ATP2B2: variants seen among roughly 807,000 people sequenced by gnomAD.
The protein encoded by ATP2B2 is plasma membrane calcium-transporting ATPase 2.
In ATP2B2, 15 loss-of-function variants were observed where a neutral mutation model predicts 120.0. The observed-to-expected ratio is 0.12, with a 90% CI of 0.08 to 0.19. The LOEUF is 0.19. ATP2B2 is among the 10% of genes least tolerant of loss of function. The pLI is 1.00. For synonymous variants in ATP2B2, 694 were observed against 700.3 expected (o/e 0.99, Z 0.14); for missense variants, 1,045 against 1,719.8 (o/e 0.61, Z 6.94).
chr3:10,553,354 C>A (rs35280072), intron 2 of ATP2B2, among the ~76,000 whole-genome samples: 4 of 151,962 alleles, frequency 2.6e-5, no homozygotes, highest in Non-Finnish European at 5.9e-5. Context: ...CAGAGAGGGA[C>A]CTTGAAAAAG....
intron 2 of ATP2B2, among the ~76,000 whole-genome samples, chr3:10,449,085 AAC>A (rs746439278): frequency 2.6e-5 from 4 of 152,146 alleles, no homozygotes; most frequent in Non-Finnish European, 4.4e-5. Flanking sequence ...TTGTCTCCAG[AAC>A]ACAGTCTTGA....
At chr3:10,379,787 C>CGAG (rs2061481775) in intron 8 of ATP2B2, among the ~76,000 whole-genome samples, 1 of 151,606 alleles carries the variant, frequency 6.6e-6, no homozygotes, top group African/African-American at 2.4e-5. Flanking sequence ...GAAAGAGAGA[C>CGAG]AGAGAGAGAG....
intron 2 of ATP2B2, among the ~76,000 whole-genome samples, chr3:10,550,281 T>C (rs1313500415): frequency 2.6e-5 from 4 of 152,176 alleles, no homozygotes; most frequent in African/African-American, 4.8e-5. Flanking sequence ...ATAGCAATAA[T>C]GCAACAGAAC....
intron 1 of ATP2B2, among the ~76,000 whole-genome samples, chr3:10,495,102 C>T (rs2066090853): frequency 6.6e-6 from 1 of 152,204 alleles, no homozygotes; most frequent in Admixed American, 6.5e-5. Flanking sequence ...TGGTCAATTC[C>T]TGGGGGCCAG....
chr3:10,625,735 C>G (rs779201979), intron 1 of ATP2B2, among the ~76,000 whole-genome samples: 1 of 152,068 alleles, frequency 6.6e-6, no homozygotes, highest in African/African-American at 2.4e-5. Flanking sequence ...CAGCAGGGAC[C>G]CCCTCCCATT....
intron 1 of ATP2B2, among the ~76,000 whole-genome samples, chr3:10,706,598 G>A (rs976320331): frequency 6.6e-6 from 1 of 152,164 alleles, no homozygotes; most frequent in Non-Finnish European, 1.5e-5. Flanking sequence ...GAAGGCCACG[G>A]GAATGATTAA....
intron 2 of ATP2B2, among the ~76,000 whole-genome samples, chr3:10,586,496 G>A (rs1039511961): frequency 1.3e-5 from 2 of 152,196 alleles, no homozygotes; most frequent in Non-Finnish European, 2.9e-5. Flanking sequence ...GAGACAGAAA[G>A]AAGGCCAGTA....
intron 5 of ATP2B2, among the ~76,000 whole-genome samples, chr3:10,398,523 C>G (rs2062116844): frequency 6.6e-6 from 1 of 152,220 alleles, no homozygotes; most frequent in African/African-American, 2.4e-5. Flanking sequence ...ACCCCAGCAG[C>G]CCAGGCTTCA....
At chr3:10,662,575 T>TAAA (rs1454105570) in intron 1 of ATP2B2, among the ~76,000 whole-genome samples, 9 of 149,606 alleles carry the variant, frequency 6.0e-5, no homozygotes, top group Admixed American at 6.0e-4. Flanking sequence ...TGGAAATCAT[T>TAAA]AAAAAGTCAG....
chr3:10,498,751 CA>C (rs1199903083), intron 1 of ATP2B2, among the ~76,000 whole-genome samples: 2 of 152,210 alleles, frequency 1.3e-5, no homozygotes, highest in Admixed American at 6.5e-5. Context: ...GCTTGGACCC[CA>C]AACGGTGTCA....
chr3:10,478,080 G>A (rs2065270906), intron 1 of ATP2B2, among the ~76,000 whole-genome samples: 1 of 152,114 alleles, frequency 6.6e-6, no homozygotes, highest in South Asian at 2.1e-4. Context: ...CATCCTAATT[G>A]GTGTGAACTG....
chr3:10,365,508 C>T (rs940682006), intron 12 of ATP2B2, among the ~76,000 whole-genome samples: 16 of 152,090 alleles, frequency 1.1e-4, no homozygotes, highest in Admixed American at 2.0e-4. Context: ...GTGTCCGGGA[C>T]GACAGAAGCC....
At chr3:10,390,164 C>T (rs1316403834) in intron 5 of ATP2B2, among the ~76,000 whole-genome samples, 2 of 152,302 alleles carry the variant, frequency 1.3e-5, no homozygotes, top group East Asian at 1.9e-4. Context: ...TCCGACATGC[C>T]ATGCCTTGCT....
rs2059868805 is a variant in ATP2B2 at position 10,326,962 on chromosome 3, G to A, written c.*1852C>T. ...GTGAGGAGGGTCAGCATGAGGAATG[G>A]ATTTTGCAAGAGAGGCGGAAAGTGT... On this transcript the variant is annotated 3_prime_UTR_variant, in exon 23 of 23. Coordinates refer to ENST00000360273, the MANE Select transcript of ATP2B2 (RefSeq NM_001001331.4). 1 of 398,354 alleles carries A rather than the reference G, an allele frequency of 2.5e-6. No homozygotes were observed. Among genetic ancestry groups the A allele is most frequent in the Admixed American group, 4.4e-5 (1 of 22,718 alleles). 24.7% of individuals were successfully genotyped at this position (398,354 alleles called of 1,614,324 possible).
chr3:10,666,890 C>G (rs1019293140), intron 1 of ATP2B2, among the ~76,000 whole-genome samples: 6 of 152,224 alleles, frequency 3.9e-5, no homozygotes, highest in African/African-American at 1.2e-4. Context: ...GTTCTGCCCC[C>G]ACGACTCTCT....
intron 1 of ATP2B2, among the ~76,000 whole-genome samples, chr3:10,485,895 T>C (rs953774875): frequency 1.3e-5 from 2 of 151,990 alleles, no homozygotes; most frequent in East Asian, 1.9e-4. Context: ...CCCTGTGAGA[T>C]CCATGCTCTG....
intron 2 of ATP2B2, among the ~76,000 whole-genome samples, chr3:10,577,051 CAAAA>C (rs71055823): frequency 0.52 from 56,761 of 108,718 alleles, 12,528 homozygotes; most frequent in East Asian, 0.81. Flanking sequence ...GACTCTGTGT[CAAAA>C]AAAAAAAAAA....
At chr3:10,468,969 A>G (rs2064870125) in intron 1 of ATP2B2, among the ~76,000 whole-genome samples, 1 of 152,272 alleles carries the variant, frequency 6.6e-6, no homozygotes, top group Non-Finnish European at 1.5e-5. Flanking sequence ...ACCTGGAGCT[A>G]TAAAAGGTGT....
In ATP2B2 at chr3:10,371,722, T is replaced by C; in HGVS notation, c.1659+87A>G. ...AATATATTAGCAGGATTTGAGACTATGAATCACATTGCTCAACCTGCCCAG... is the reference window on the plus strand; with the variant it reads ...AATATATTAGCAGGATTTGAGACTACGAATCACATTGCTCAACCTGCCCAG... On this transcript the variant is annotated intron_variant, in intron 12 of 22. Transcript: ENST00000360273. 1.9e-6 allele frequency: 3 copies of C among 1,595,834 alleles called. No homozygotes were observed. The East Asian group carries it at 6.7e-5, about 36-fold the overall frequency.
Sources: gnomAD v4.1 joint callset for allele counts (sites outside exome capture counted in the v4.1 genomes callset) on GRCh38, gnomAD v4.1.1 for gene constraint, MANE v1.5 for transcripts, NCBI Gene and HGNC (gene_info 2026-07-23, HGNC 2026-07-21) for gene names.